The following MRTFB variants were observed in gnomAD, a reference collection of about 807,000 sequenced individuals.
MRTFB encodes myocardin-related transcription factor B.
In MRTFB, 29 loss-of-function variants were observed where a neutral mutation model predicts 104.2. The ratio of observed to expected loss-of-function variants is 0.28; its 90% CI spans 0.21 to 0.38. The LOEUF (loss-of-function observed/expected upper bound fraction) is 0.38. Ranked by LOEUF, MRTFB falls within the 10% of genes least tolerant of loss-of-function variation. MRTFB has a pLI of 1.00. For missense variants in MRTFB, 1,270 were observed against 1,341.6 expected, an observed-to-expected ratio of 0.95 and a Z score of 0.83; for synonymous variants, 535 against 519.5, an observed-to-expected ratio of 1.03 and a Z score of -0.41.
At chr16:14,039,619 T>C in the MRTFB span, among the ~76,000 whole-genome samples, 1 of 152,104 alleles carries the variant, frequency 6.6e-6, no homozygotes, top group Admixed American at 6.6e-5. Context: ...ATGCATAATT[T>C]GGATATACAA....
intron 13 of MRTFB, among the ~76,000 whole-genome samples, chr16:14,250,717 G>A (rs553933868): frequency 2.0e-5 from 3 of 152,302 alleles, no homozygotes; most frequent in Admixed American, 6.5e-5. Flanking sequence ...TTGAGAACAC[G>A]TTGTGGCAGG....
intron 3 of MRTFB, among the ~76,000 whole-genome samples, chr16:14,206,623 T>G (rs2040954872): frequency 6.6e-6 from 1 of 152,190 alleles, no homozygotes; most frequent in African/African-American, 2.4e-5. Flanking sequence ...AATGGCACGA[T>G]CTCGGCTCAC....
chr16:14,002,627 C>G, the MRTFB span, among the ~76,000 whole-genome samples: 1 of 152,204 alleles, frequency 6.6e-6, no homozygotes, highest in Admixed American at 6.5e-5. Context: ...ACCGTTTATA[C>G]TGGTCAACCA....
chr16:14,169,726 C>G (rs1176530955), intron 3 of MRTFB, among the ~76,000 whole-genome samples: 1 of 151,966 alleles, frequency 6.6e-6, no homozygotes, highest in Admixed American at 6.6e-5. Flanking sequence ...TTTGAGTTAC[C>G]AGTTAAAGAA....
intron 3 of MRTFB, among the ~76,000 whole-genome samples, chr16:14,169,197 T>G (rs1441236252): frequency 6.6e-6 from 1 of 152,192 alleles, no homozygotes; most frequent in African/African-American, 2.4e-5. Context: ...TTTGACATAT[T>G]TCAGATATCT....
chr16:14,097,054 C>T (rs890180243), intron 2 of MRTFB, among the ~76,000 whole-genome samples: 1 of 152,196 alleles, frequency 6.6e-6, no homozygotes, highest in African/African-American at 2.4e-5. Context: ...TTTTAGTCTA[C>T]CTGTAGCCTA....
intron 1 of MRTFB, among the ~76,000 whole-genome samples, chr16:14,073,240 G>A (rs534561760): frequency 1.3e-5 from 2 of 152,244 alleles, no homozygotes; most frequent in East Asian, 3.9e-4. Flanking sequence ...CTCGTACCAG[G>A]CGAATCTTCA....
At chr16:14,157,823 G>A (rs1398034975) in intron 3 of MRTFB, among the ~76,000 whole-genome samples, 1 of 152,158 alleles carries the variant, frequency 6.6e-6, no homozygotes, top group East Asian at 1.9e-4. Flanking sequence ...AGGAAATGTG[G>A]AAAGACTGTG....
At chr16:14,144,628 A>G (rs903022682) in intron 3 of MRTFB, 18 of 152,138 alleles carry the variant, frequency 1.2e-4, no homozygotes, top group African/African-American at 3.9e-4. Flanking sequence ...CAGTGCATAC[A>G]TATTTCAAAA....
chr16:14,216,891 T>C (rs1368021084), intron 6 of MRTFB, among the ~76,000 whole-genome samples: 1 of 152,242 alleles, frequency 6.6e-6, no homozygotes, highest in African/African-American at 2.4e-5. Flanking sequence ...TAAGGTCCTG[T>C]TAATTTGAGT....
chr16:14,185,997 G>T (rs1468726045), intron 3 of MRTFB, among the ~76,000 whole-genome samples: 1 of 152,088 alleles, frequency 6.6e-6, no homozygotes, highest in Non-Finnish European at 1.5e-5. Context: ...CTGGTCATTG[G>T]TTTACTCTGT....
At chr16:14,107,485 A>G (rs893890520) in intron 2 of MRTFB, among the ~76,000 whole-genome samples, 4 of 152,282 alleles carry the variant, frequency 2.6e-5, no homozygotes, top group South Asian at 2.1e-4. Flanking sequence ...TTTCCAGACA[A>G]TAGTTTTGGA....
intron 3 of MRTFB, among the ~76,000 whole-genome samples, chr16:14,179,766 G>C (rs1489143637): frequency 6.6e-6 from 1 of 152,250 alleles, no homozygotes; most frequent in African/African-American, 2.4e-5. Context: ...CAGAGGACTA[G>C]ACTGAAGTCG....
At chr16:14,166,349 A>AT (rs1251169762) in intron 3 of MRTFB, among the ~76,000 whole-genome samples, 1 of 151,242 alleles carries the variant, frequency 6.6e-6, no homozygotes, top group Non-Finnish European at 1.5e-5. Flanking sequence ...TTTATACTTC[A>AT]TTTATTACGT....
intron 2 of MRTFB, among the ~76,000 whole-genome samples, chr16:14,136,949 C>CT (rs1488201718): frequency 6.6e-6 from 1 of 152,100 alleles, no homozygotes; most frequent in Non-Finnish European, 1.5e-5. Flanking sequence ...AAGATAGTAA[C>CT]TTTCTTCATT....
intron 3 of MRTFB, among the ~76,000 whole-genome samples, chr16:14,179,878 G>A (rs1009981262): frequency 1.3e-5 from 2 of 152,136 alleles, no homozygotes; most frequent in South Asian, 4.1e-4. Context: ...AATCAGGAGT[G>A]TTTAGAAACT....
At chr16:14,033,541 AAAT>A in the MRTFB span, among the ~76,000 whole-genome samples, 9 of 151,902 alleles carry the variant, frequency 5.9e-5, no homozygotes, top group Admixed American at 5.3e-4. Flanking sequence ...TCCTGTATCA[AAAT>A]AATAATAATA....
intron 3 of MRTFB, chr16:14,151,493 A>G (rs1181740696): frequency 1.3e-5 from 2 of 152,188 alleles, no homozygotes; most frequent in African/African-American, 4.8e-5. Context: ...TTTAATTTTT[A>G]CTAAGTCAGT....
intron 2 of MRTFB, among the ~76,000 whole-genome samples, chr16:14,112,196 GA>G (rs1162139466): frequency 6.6e-6 from 1 of 152,166 alleles, no homozygotes; most frequent in African/African-American, 2.4e-5. Flanking sequence ...GGTAGGAAAG[GA>G]AAAAGGTGGC....
Sources: gnomAD v4.1 joint callset for allele counts (sites outside exome capture counted in the v4.1 genomes callset) on GRCh38, gnomAD v4.1.1 for gene constraint, MANE v1.5 for transcripts, NCBI Gene and HGNC (gene_info 2026-07-23, HGNC 2026-07-21) for gene names.